The following MAGI2 variants were observed in gnomAD, a reference collection of about 807,000 sequenced individuals.
MAGI2 encodes membrane-associated guanylate kinase, WW and PDZ domain-containing protein 2.
MAGI2 carries 35 observed loss-of-function variants against 133.3 expected under a neutral mutation model. That is an observed-to-expected ratio of 0.26 (90% CI 0.20 to 0.35). The LOEUF (loss-of-function observed/expected upper bound fraction) is 0.35, where lower values mean the gene tolerates loss of function less well. Ranked by LOEUF, MAGI2 falls within the 10% of genes least tolerant of loss-of-function variation. MAGI2 has a pLI of 1.00. For missense variants in MAGI2, 1,636 were observed against 1,863.4 expected (o/e 0.88, Z 2.25); for synonymous variants, 729 against 710.6 (o/e 1.03, Z -0.41).
At chr7:78,834,903 G>A (rs1362084891) in intron 2 of MAGI2, among the ~76,000 whole-genome samples, 1 of 152,108 alleles carries the variant, frequency 6.6e-6, no homozygotes, top group East Asian at 1.9e-4. Flanking sequence ...CACCGTGTGA[G>A]ATGCCTGCTC....
At chr7:78,880,341 G>C (rs892498279) in intron 2 of MAGI2, among the ~76,000 whole-genome samples, 1 of 152,160 alleles carries the variant, frequency 6.6e-6, no homozygotes, top group Admixed American at 6.5e-5. Flanking sequence ...GTCAGATCTT[G>C]AACAAAGGGT....
intron 14 of MAGI2, among the ~76,000 whole-genome samples, chr7:78,169,262 G>A (rs1190787947): frequency 6.6e-6 from 1 of 152,138 alleles, no homozygotes; most frequent in Non-Finnish European, 1.5e-5. Flanking sequence ...TCAAACTCAT[G>A]ACCAATAGGT....
At chr7:78,544,723 C>A (rs1304193474) in intron 3 of MAGI2, among the ~76,000 whole-genome samples, 1 of 151,918 alleles carries the variant, frequency 6.6e-6, no homozygotes, top group Admixed American at 6.6e-5. Flanking sequence ...CTCAGTCACT[C>A]AATAAAGTTT....
intron 6 of MAGI2, among the ~76,000 whole-genome samples, chr7:78,482,979 G>C (rs1187411101): frequency 6.7e-6 from 1 of 148,922 alleles, no homozygotes; most frequent in Non-Finnish European, 1.5e-5. Context: ...TTGTATACCT[G>C]GCAAAATACA....
At chr7:78,400,565 A>C (rs1487226580) in intron 6 of MAGI2, among the ~76,000 whole-genome samples, 1 of 152,196 alleles carries the variant, frequency 6.6e-6, no homozygotes, top group Non-Finnish European at 1.5e-5. Flanking sequence ...ATAAAAGAAA[A>C]AATGGTCTGG....
intron 20 of MAGI2, among the ~76,000 whole-genome samples, chr7:78,118,549 C>T (rs2150489180): frequency 6.6e-6 from 1 of 152,274 alleles, no homozygotes; most frequent in Admixed American, 6.5e-5. Context: ...AACACCTTAA[C>T]AGATACCTCA....
intron 13 of MAGI2, among the ~76,000 whole-genome samples, chr7:78,181,176 T>C (rs561599150): frequency 1.3e-5 from 2 of 152,312 alleles, no homozygotes; most frequent in Admixed American, 1.3e-4. Context: ...AGGTTTTGTC[T>C]CTTTCCTTAT....
chr7:78,095,442 G>A (rs1207151966), intron 20 of MAGI2, among the ~76,000 whole-genome samples: 1 of 152,106 alleles, frequency 6.6e-6, no homozygotes, highest in Non-Finnish European at 1.5e-5. Flanking sequence ...CTCAACCCAT[G>A]GGAAATGGTG....
intron 2 of MAGI2, among the ~76,000 whole-genome samples, chr7:78,729,638 C>T (rs1233984107): frequency 6.6e-6 from 1 of 152,188 alleles, no homozygotes; most frequent in Non-Finnish European, 1.5e-5. Context: ...CCACATGGAG[C>T]TTGTGTCTAG....
intron 2 of MAGI2, among the ~76,000 whole-genome samples, chr7:78,633,637 C>A (rs1386885528): frequency 7.1e-6 from 1 of 140,824 alleles, no homozygotes; most frequent in African/African-American, 2.7e-5. Flanking sequence ...ACCCGGAAGG[C>A]GGAGCTTGCA....
At chr7:78,604,806 G>A (rs997460387) in intron 3 of MAGI2, among the ~76,000 whole-genome samples, 3 of 152,108 alleles carry the variant, frequency 2.0e-5, no homozygotes, top group Non-Finnish European at 4.4e-5. Flanking sequence ...TCATATAAAT[G>A]GCATTGTGCT....
intron 2 of MAGI2, among the ~76,000 whole-genome samples, chr7:78,805,457 A>G (rs1251802789): frequency 6.6e-6 from 1 of 152,196 alleles, no homozygotes. Flanking sequence ...GAAAGTGGGT[A>G]GAATGATAAG....
intron 6 of MAGI2, among the ~76,000 whole-genome samples, chr7:78,382,472 A>G (rs1795013681): frequency 6.6e-6 from 1 of 152,154 alleles, no homozygotes; most frequent in East Asian, 1.9e-4. Context: ...TAGAGATTCT[A>G]GGACTAGGGT....
intron 2 of MAGI2, among the ~76,000 whole-genome samples, chr7:78,686,004 T>G (rs1816271223): frequency 1.3e-5 from 2 of 151,896 alleles, no homozygotes; most frequent in East Asian, 1.9e-4. Context: ...AGCATGCTTT[T>G]ATTCAGCATG....
intron 1 of MAGI2, among the ~76,000 whole-genome samples, chr7:79,237,326 C>G (rs1832011845): frequency 6.6e-6 from 1 of 152,114 alleles, no homozygotes; most frequent in African/African-American, 2.4e-5. Flanking sequence ...AACCCCGTCT[C>G]TACTAAAAAT....
intron 5 of MAGI2, among the ~76,000 whole-genome samples, chr7:78,497,169 A>G (rs948934428): frequency 1.3e-5 from 2 of 152,220 alleles, no homozygotes; most frequent in African/African-American, 4.8e-5. Flanking sequence ...GTTAATGAAG[A>G]TGATGAGTCA....
At chr7:79,342,806 G>T (rs1419674906) in intron 1 of MAGI2, among the ~76,000 whole-genome samples, 1 of 151,826 alleles carries the variant, frequency 6.6e-6, no homozygotes, top group African/African-American at 2.4e-5. Context: ...GTTGCCCAAG[G>T]TGGAGTGCAA....
intron 2 of MAGI2, among the ~76,000 whole-genome samples, chr7:78,943,434 A>T (rs1801148819): frequency 6.6e-6 from 1 of 152,122 alleles, no homozygotes; most frequent in Admixed American, 6.6e-5. Context: ...TGGCCTAAGG[A>T]TGCGGTACTA....
At chr7:78,799,715 C>T (rs1787907245) in intron 2 of MAGI2, among the ~76,000 whole-genome samples, 1 of 152,284 alleles carries the variant, frequency 6.6e-6, no homozygotes, top group Admixed American at 6.5e-5. Flanking sequence ...AGTCTTAATT[C>T]CTCAGAAGTG....
Sources: allele counts gnomAD v4.1 joint callset (sites outside exome capture counted in the v4.1 genomes callset), GRCh38; gene constraint gnomAD v4.1.1; transcripts MANE v1.5; gene names NCBI Gene and HGNC (gene_info 2026-07-23, HGNC 2026-07-21).